The following ZDHHC14 variants were observed in gnomAD, a reference collection of about 807,000 sequenced individuals.
The protein encoded by ZDHHC14 is zDHHC palmitoyltransferase 14.
In ZDHHC14, 16 loss-of-function variants were observed where a neutral mutation model predicts 47.7. That is an observed-to-expected ratio of 0.34 (90% CI 0.23 to 0.51). The LOEUF (loss-of-function observed/expected upper bound fraction) is 0.51. Among genes scored for constraint, ZDHHC14 ranks in the 20% least tolerant of loss-of-function variants. ZDHHC14 has a pLI of 0.97. For synonymous variants in ZDHHC14, 293 were observed against 278.9 expected, an observed-to-expected ratio of 1.05 and a Z score of -0.50; for missense variants, 515 against 662.5, an observed-to-expected ratio of 0.78 and a Z score of 2.44.
At position 157,386,361 on chromosome 6, in the gene ZDHHC14, T is replaced by A. The variant is rs186413997; in HGVS notation, c.245+4095T>A. Among the ~76,000 whole-genome samples, 172 of 152,284 alleles carry A rather than the reference T, an allele frequency of 1.1e-3. 1 individual carries two copies. Among genetic ancestry groups the A allele is most frequent in the Middle Eastern group, 3.4e-3 (1 of 294 alleles). Reference sequence around the variant, plus strand: ...ATCTCTAAGTTTTTAAATAAAAATTTAAAAATATACAAATAAAATAAGCAC... The same window carrying A: ...ATCTCTAAGTTTTTAAATAAAAATTAAAAAATATACAAATAAAATAAGCAC... On this transcript the variant is annotated intron_variant, in intron 1 of 8. Coordinates refer to ENST00000359775, the MANE Select transcript of ZDHHC14 (RefSeq NM_024630.3).
intron 1 of ZDHHC14, among the ~76,000 whole-genome samples, chr6:157,498,415 G>A (rs1583711321): frequency 6.6e-6 from 1 of 152,044 alleles, no homozygotes; most frequent in Admixed American, 6.5e-5. Flanking sequence ...GAGCAGAGGT[G>A]GAAAAGTGTA....
intron 1 of ZDHHC14, among the ~76,000 whole-genome samples, chr6:157,449,340 T>A (rs1228292086): frequency 6.6e-6 from 1 of 152,226 alleles, no homozygotes; most frequent in Admixed American, 6.5e-5. Context: ...TATATTATAT[T>A]AATATTATTC....
At chr6:157,392,941 G>A (rs538155937) in intron 1 of ZDHHC14, among the ~76,000 whole-genome samples, 21 of 152,056 alleles carry the variant, frequency 1.4e-4, no homozygotes, top group Admixed American at 5.2e-4. Context: ...GTGCAATGGC[G>A]CCATCTCGGC....
Position 157,672,942 on chromosome 6 carries a change from G to A in ZDHHC14, c.1287G>A (p.Arg429=), listed in dbSNP as rs1369260421. The A allele has an allele frequency of 1.2e-6, 2 of 1,602,030 alleles. No individual in the cohort carries two copies. Among genetic ancestry groups the A allele is most frequent in the Admixed American group, 1.7e-5 (1 of 59,328 alleles). ...AEATLADVMP[R]KDEHMGHQFL... ...CCACGCTCGCGGACGTGATGCCCCGGAAAGATGAGCACATGGGCCACCAGT... is the reference window on the plus strand; with the variant it reads ...CCACGCTCGCGGACGTGATGCCCCGAAAAGATGAGCACATGGGCCACCAGT... The change falls in exon 9 of 9, where the codon CGG becomes CGA. Residue 429 remains arginine (R), a synonymous_variant. Coordinates refer to ENST00000359775, the MANE Select transcript of ZDHHC14 (RefSeq NM_024630.3).
chr6:157,481,032 C>G (rs749660041), intron 1 of ZDHHC14, among the ~76,000 whole-genome samples: 12 of 152,104 alleles, frequency 7.9e-5, no homozygotes, highest in Non-Finnish European at 5.9e-5. Flanking sequence ...GTTGAAAAAC[C>G]CTGACACTGT....
intron 1 of ZDHHC14, among the ~76,000 whole-genome samples, chr6:157,470,376 A>C (rs1303425821): frequency 6.6e-6 from 1 of 152,262 alleles, no homozygotes; most frequent in Non-Finnish European, 1.5e-5. Flanking sequence ...GGCGTGAGCC[A>C]CCGCTCCTGA....
intron 1 of ZDHHC14, among the ~76,000 whole-genome samples, chr6:157,447,333 C>T (rs1290538306): frequency 1.3e-5 from 2 of 152,168 alleles, no homozygotes; most frequent in Admixed American, 6.5e-5. Context: ...AGTGGGGGCA[C>T]CTCCTACTTT....
intron 3 of ZDHHC14, among the ~76,000 whole-genome samples, chr6:157,609,280 C>T (rs1453511562): frequency 1.3e-5 from 2 of 152,162 alleles, no homozygotes; most frequent in East Asian, 1.9e-4. Flanking sequence ...GGAGGGAAAG[C>T]GAGAGGTGGG....
rs539387420 is a variant in ZDHHC14 at position 157,640,876 on chromosome 6, T to C, written c.753-4861T>C. ...AAAAAGAAAGTGTTTCTCTTGACCC[T>C]TCCTCCGTTCTGCTGTAGGAACCCT... On this transcript the variant is annotated intron_variant, in intron 5 of 8. Transcript: ENST00000359775. 3.1e-4 allele frequency among the ~76,000 whole-genome samples: 47 copies of C among 152,370 alleles called. No individual in the cohort carries two copies. In the South Asian group the frequency reaches 8.7e-3, roughly 28 times the overall value.
intron 8 of ZDHHC14, among the ~76,000 whole-genome samples, chr6:157,657,198 T>C (rs630872): frequency 0.73 from 110,230 of 151,982 alleles, 40,236 homozygotes; most frequent in African/African-American, 0.8. Context: ...CACAGGCATG[T>C]GCCACCATGC....
chr6:157,419,515 T>C (rs760920556), intron 1 of ZDHHC14, among the ~76,000 whole-genome samples: 5 of 152,254 alleles, frequency 3.3e-5, no homozygotes, highest in African/African-American at 7.2e-5. Context: ...TTACTGTTTC[T>C]ATAGTTTTGT....
intron 1 of ZDHHC14, among the ~76,000 whole-genome samples, chr6:157,517,126 A>G (rs1174663665): frequency 6.6e-6 from 1 of 152,152 alleles, no homozygotes; most frequent in Admixed American, 6.5e-5. Context: ...CGAGGGCCTC[A>G]TTCCTCTCCT....
intron 1 of ZDHHC14, among the ~76,000 whole-genome samples, chr6:157,450,734 T>C (rs1022960016): frequency 2.0e-5 from 3 of 152,084 alleles, no homozygotes; most frequent in Non-Finnish European, 4.4e-5. Flanking sequence ...TCAGCCCCCA[T>C]CCTTGGATTG....
intron 2 of ZDHHC14, among the ~76,000 whole-genome samples, chr6:157,548,557 C>G (rs1782084261): frequency 6.6e-6 from 1 of 152,244 alleles, no homozygotes. Flanking sequence ...AGCAATTCTC[C>G]TGCCTCAGCC....
At chr6:157,653,401 C>A in intron 7 of ZDHHC14, 124 bp from the exon 8 acceptor site, 1 of 875,920 alleles carries the variant, frequency 1.1e-6, no homozygotes, top group Non-Finnish European at 1.8e-6. Context: ...GAGGCATAGT[C>A]TAAGTTGCCT....
intron 1 of ZDHHC14, among the ~76,000 whole-genome samples, chr6:157,488,500 T>C (rs1207751332): frequency 1.3e-5 from 2 of 152,232 alleles, no homozygotes; most frequent in Non-Finnish European, 2.9e-5. Context: ...AAATTTAATC[T>C]GAAACTCAAG....
In ZDHHC14 at chr6:157,382,053, A is replaced by G; in HGVS notation, c.32A>G (p.Asp11Gly). The change falls in exon 1 of 9, where the codon GAC becomes GGC. Residue 11 changes from aspartate to glycine, a missense_variant. Physicochemically the swap from Asp to Gly is moderately conservative, Grantham distance 94. Coordinates refer to ENST00000359775, the MANE Select transcript of ZDHHC14 (RefSeq NM_024630.3). ...CCCGGCGGCGGCGGGCCCATGAAAGACTGCGAGTACAGCCAGATCAGCACC... is the reference window on the plus strand; with the variant it reads ...CCCGGCGGCGGCGGGCCCATGAAAGGCTGCGAGTACAGCCAGATCAGCACC... The part of the protein sequence containing the change: MPPGGGGPMK[D>G]CEYSQISTHS... 2 of 1,577,190 alleles carry G rather than the reference A, an allele frequency of 1.3e-6. No individual in the cohort carries two copies. Among genetic ancestry groups the G allele is most frequent in the Admixed American group, 3.8e-5 (2 of 53,294 alleles).
At chr6:157,589,224 C>G (rs978312524) in intron 2 of ZDHHC14, among the ~76,000 whole-genome samples, 1 of 152,076 alleles carries the variant, frequency 6.6e-6, no homozygotes, top group African/African-American at 2.4e-5. Context: ...ACAATGAGAT[C>G]TCATGATAAC....
At chr6:157,566,092 A>G (rs1252325379) in intron 2 of ZDHHC14, among the ~76,000 whole-genome samples, 1 of 152,194 alleles carries the variant, frequency 6.6e-6, no homozygotes, top group Non-Finnish European at 1.5e-5. Context: ...TCTTAGAGAT[A>G]AATGTTATGC....
Sources: gnomAD v4.1 joint callset for allele counts (sites outside exome capture counted in the v4.1 genomes callset) on GRCh38, gnomAD v4.1.1 for gene constraint, MANE v1.5 for transcripts, NCBI Gene and HGNC (gene_info 2026-07-23, HGNC 2026-07-21) for gene names.